PTPRN2: variants seen among roughly 807,000 people sequenced by gnomAD.
PTPRN2 encodes the protein receptor-type tyrosine-protein phosphatase N2.
Under a neutral mutation model 118.8 loss-of-function variants are expected in PTPRN2, and 74 were observed. That is an observed-to-expected ratio of 0.62 (90% CI 0.52 to 0.76). The LOEUF (loss-of-function observed/expected upper bound fraction) is 0.76, where lower values mean the gene tolerates loss of function less well. Among genes scored for constraint, PTPRN2 ranks in the 30% least tolerant of loss-of-function variants. PTPRN2 has a pLI of 0.00. For missense variants in PTPRN2, 1,481 were observed against 1,394.4 expected (o/e 1.06, Z -0.99); for synonymous variants, 641 against 608.0 (o/e 1.05, Z -0.80).
intron 9 of PTPRN2, among the ~76,000 whole-genome samples, chr7:158,127,300 T>C (rs1817773084): frequency 6.7e-6 from 1 of 149,732 alleles, no homozygotes; most frequent in Non-Finnish European, 1.5e-5. Flanking sequence ...CGTCCTCCTC[T>C]GCGTGCACCC....
At chr7:158,331,338 C>G (rs1490616251) in intron 2 of PTPRN2, among the ~76,000 whole-genome samples, 1 of 130,060 alleles carries the variant, frequency 7.7e-6, no homozygotes, top group African/African-American at 3.1e-5. Context: ...AGAGGTCACT[C>G]ACACCCATAC....
At chr7:158,486,448 T>G (rs149755460) in intron 2 of PTPRN2, among the ~76,000 whole-genome samples, 196 of 152,394 alleles carry the variant, frequency 1.3e-3, no homozygotes, top group African/African-American at 4.6e-3. Context: ...GCTTTAAAAA[T>G]TCTTTGAAAC....
intron 10 of PTPRN2, among the ~76,000 whole-genome samples, chr7:158,098,194 G>A (rs2150338037): frequency 6.6e-6 from 1 of 152,372 alleles, no homozygotes; most frequent in Non-Finnish European, 1.5e-5. Context: ...GGCAGCCTCT[G>A]CCTGGCCAGG....
intron 13 of PTPRN2, among the ~76,000 whole-genome samples, chr7:157,661,607 G>T (rs1465628465): frequency 1.3e-5 from 2 of 151,660 alleles, no homozygotes; most frequent in Non-Finnish European, 2.9e-5. Flanking sequence ...GGGATGATGG[G>T]GAAGCCGGGT....
At position 157,611,065 on chromosome 7, in the gene PTPRN2, C is replaced by T. The variant is rs183998212; in HGVS notation, c.2345-6990G>A. Among the ~76,000 whole-genome samples the T allele has an allele frequency of 7.9e-5, 12 of 152,328 alleles. No homozygotes were observed. The highest frequency in any genetic ancestry group is 3.9e-4 in the East Asian group (2 of 5,182). ...ACCACTCAGGAGGCACGCTGCCCAC[C>T]GCTGAGCTGAATAACCGAGCGCGAG... On this transcript the variant is annotated intron_variant, in intron 15 of 22. Transcript: ENST00000389418. The surrounding 1 kb of genome is among the most constrained non-coding windows in gnomAD (Gnocchi z 5.9).
At chr7:157,548,797 G>C in intron 22 of PTPRN2, 149 bp downstream of exon 22, 1 of 779,894 alleles carries the variant, frequency 1.3e-6, no homozygotes, top group Non-Finnish European at 2.1e-6. Context: ...CCCCGCCCAT[G>C]CAAGGCCGGC....
intron 14 of PTPRN2, among the ~76,000 whole-genome samples, chr7:157,635,501 C>G (rs542258245): frequency 1.0e-3 from 154 of 152,368 alleles, no homozygotes; most frequent in Non-Finnish European, 1.7e-3. Flanking sequence ...ATTTTCTTCA[C>G]CAATATTTGT....
At chr7:158,421,530 A>G (rs1487550416) in intron 2 of PTPRN2, among the ~76,000 whole-genome samples, 1 of 152,358 alleles carries the variant, frequency 6.6e-6, no homozygotes, top group Admixed American at 6.5e-5. Context: ...TGCCTCAGAA[A>G]TAAATGGAAA....
At chr7:157,748,738 G>A (rs1801222323) in intron 12 of PTPRN2, among the ~76,000 whole-genome samples, 1 of 134,150 alleles carries the variant, frequency 7.5e-6, no homozygotes, top group Non-Finnish European at 1.6e-5. Context: ...CCTGAGCTGT[G>A]GGCTGTCCGG....
intron 12 of PTPRN2, among the ~76,000 whole-genome samples, chr7:157,817,416 C>T (rs576794060): frequency 6.6e-6 from 1 of 152,236 alleles, no homozygotes; most frequent in East Asian, 1.9e-4. Flanking sequence ...GAGGAGCAGG[C>T]TGTGGGGAAA....
intron 15 of PTPRN2, among the ~76,000 whole-genome samples, chr7:157,606,060 G>C (rs1365222096): frequency 6.6e-6 from 1 of 152,242 alleles, no homozygotes; most frequent in Non-Finnish European, 1.5e-5. Context: ...CCCTCCTTCG[G>C]CTTCCCTCCC....
At chr7:157,747,242 G>A (rs1271825332) in intron 12 of PTPRN2, among the ~76,000 whole-genome samples, 34 of 127,772 alleles carry the variant, frequency 2.7e-4, no homozygotes, top group Admixed American at 7.4e-4. Context: ...GTGATTCTGA[G>A]GCCTGCGTCT....
chr7:157,858,144 G>A (rs11762925), intron 12 of PTPRN2, among the ~76,000 whole-genome samples: 2,245 of 16,684 alleles, frequency 0.13, 125 homozygotes, highest in East Asian at 0.4. Context: ...TGCAGGGAGA[G>A]CCCCGTCACC....
At chr7:158,340,615 G>A (rs1197132457) in intron 2 of PTPRN2, among the ~76,000 whole-genome samples, 3 of 107,744 alleles carry the variant, frequency 2.8e-5, no homozygotes, top group South Asian at 3.4e-4. Context: ...ACCCACACAC[G>A]TCACTCACAC....
intron 2 of PTPRN2, among the ~76,000 whole-genome samples, chr7:158,358,676 C>T (rs912367036): frequency 1.3e-5 from 2 of 152,202 alleles, no homozygotes; most frequent in Admixed American, 6.5e-5. Flanking sequence ...GCCCTGAGCA[C>T]GCGGTGCTGC....
intron 6 of PTPRN2, among the ~76,000 whole-genome samples, chr7:158,157,819 C>A (rs185404575): frequency 6.6e-6 from 1 of 152,216 alleles, no homozygotes; most frequent in African/African-American, 2.4e-5. Flanking sequence ...GCTGACTCCA[C>A]GGTGTGCTGA....
intron 1 of PTPRN2, among the ~76,000 whole-genome samples, chr7:158,522,372 C>G (rs1332342088): frequency 7.2e-6 from 1 of 138,862 alleles, no homozygotes; most frequent in Non-Finnish European, 1.6e-5. Context: ...GGTGCTGGCT[C>G]GGGAGGGAGG....
intron 2 of PTPRN2, among the ~76,000 whole-genome samples, chr7:158,337,173 C>T (rs1477447206): frequency 6.6e-6 from 1 of 152,038 alleles, no homozygotes; most frequent in Non-Finnish European, 1.5e-5. Context: ...CACCTGCAGA[C>T]GTCACTCACA....
At chr7:157,765,196 C>T (rs1802379280) in intron 12 of PTPRN2, among the ~76,000 whole-genome samples, 1 of 151,270 alleles carries the variant, frequency 6.6e-6, no homozygotes, top group Admixed American at 6.6e-5. Context: ...CATCATTCCT[C>T]CATGCATCCA....
Sources: allele counts gnomAD v4.1 joint callset (sites outside exome capture counted in the v4.1 genomes callset), GRCh38; gene constraint gnomAD v4.1.1; non-coding constraint Gnocchi (gnomAD v3.1); transcripts MANE v1.5; gene names NCBI Gene and HGNC (gene_info 2026-07-23, HGNC 2026-07-21).